The following ZAN variants were observed in gnomAD, a reference collection of about 807,000 sequenced individuals.
ZAN encodes the protein zonadhesin.
In ZAN, 260 loss-of-function variants were observed where a neutral mutation model predicts 286.2. That is an observed-to-expected ratio of 0.91 (90% CI 0.82 to 1.01). The LOEUF (loss-of-function observed/expected upper bound fraction) is 1.01, where lower values mean the gene tolerates loss of function less well. Among genes scored for constraint, ZAN ranks in the 50% least tolerant of loss-of-function variants. The probability of loss-of-function intolerance (pLI) is 0.00; values close to 1 mark genes in which losing one functional copy is unlikely to be tolerated. For missense variants in ZAN, 3,410 were observed against 3,639.2 expected, an observed-to-expected ratio of 0.94 and a Z score of 1.62; for synonymous variants, 1,368 against 1,417.5, an observed-to-expected ratio of 0.97 and a Z score of 0.79.
intron 15 of ZAN, among the ~76,000 whole-genome samples, chr7:100,756,428 CAA>C (rs111465837): frequency 3.8e-4 from 54 of 141,782 alleles, no homozygotes; most frequent in Admixed American, 3.6e-4. Flanking sequence ...CACCCTGTCT[CAA>C]AAAAAAAAAA....
chr7:100,774,462 G>C (rs1810612878), intron 31 of ZAN, among the ~76,000 whole-genome samples: 1 of 152,114 alleles, frequency 6.6e-6, no homozygotes, highest in Non-Finnish European at 1.5e-5. Flanking sequence ...CTTGAGGCTA[G>C]TAGTTCAAGA....
At chr7:100,739,642 C>T (rs2115634987) in intron 7 of ZAN, among the ~76,000 whole-genome samples, 1 of 129,316 alleles carries the variant, frequency 7.7e-6, no homozygotes, top group East Asian at 2.3e-4. Flanking sequence ...CTGTGCCCCG[C>T]CGTGAGTTAT....
At position 100,779,521 on chromosome 7, in the gene ZAN, G is replaced by GGGCA. The variant is rs779298180; in HGVS notation, c.6394_6395insGCAG (p.Ala2132GlyfsTer42). ...AGAACCCGAGTGGAAACTGCAGGGCGGCCGACCTCCGCAGGGCGCGGGAAA... is the reference window on the plus strand; with the variant it reads ...AGAACCCGAGTGGAAACTGCAGGGCGGGCAGCCGACCTCCGCAGGGCGCGGGAAA... On this transcript the variant is annotated frameshift_variant, in exon 35 of 48. Transcript: ENST00000613979. LOFTEE classifies it high-confidence loss of function. The GGGCA allele has an allele frequency of 3.7e-5, 59 of 1,612,622 alleles. 3 individuals carry two copies. The South Asian group carries it at 5.4e-4, about 15-fold the overall frequency.
In ZAN at chr7:100,750,741, A is replaced by G. The variant is rs1808599851; in HGVS notation, c.1366A>G (p.Met456Val). ...CATCTGCGTGGAGTTCGCATACCACATGTATGGCCTTGGGGAGGGTACTAT... is the reference window on the plus strand; with the variant it reads ...CATCTGCGTGGAGTTCGCATACCACGTGTATGGCCTTGGGGAGGGTACTAT... ...GDICVEFAYH[M>V]YGLGEGTMLE... Residue 456 changes from methionine to valine, a missense_variant, in exon 12 of 48, where the codon ATG (methionine) becomes GTG (valine). Transcript: ENST00000613979. 5 of 1,613,050 alleles carry G rather than the reference A, an allele frequency of 3.1e-6. No homozygotes were observed. The highest frequency in any genetic ancestry group is 1.7e-5 in the Admixed American group (1 of 59,814).
chr7:100,792,116 T>A lies in ZAN; in HGVS notation c.7680T>A (p.Cys2560Ter), dbSNP rs1812013896. The A allele has an allele frequency of 1.2e-6, 2 of 1,612,034 alleles. No homozygotes were observed. Among genetic ancestry groups the A allele is most frequent in the East Asian group, 2.2e-5 (1 of 44,858 alleles). ...ACCCCCAGGGCCCCTTTGCTGCCTG[T>A]CACCAGACGGTGGCCCCAGAGCCCT... ...LADPQGPFAA[C>*]HQTVAPEPFQ... is the part of the protein sequence containing the mutation. The change falls in exon 41 of 48, where the codon TGT (cysteine) becomes TGA (stop). Residue 2560 changes from cysteine to a stop codon, truncating the protein, a stop_gained. Coordinates refer to ENST00000613979, the MANE Select transcript of ZAN (RefSeq NM_003386.3). LOFTEE classifies it high-confidence loss of function.
At position 100,753,004 on chromosome 7, in the gene ZAN, G is replaced by A; in HGVS notation, c.2899G>A (p.Glu967Lys). The part of the protein sequence containing the change: ...IPTEKPTIST[E>K]KPTIPTEKLT... Reference sequence around the variant, plus strand: ...CACAGAAAAACCCACCATCTCCACGGAAAAACCCACCATCCCCACGGAAAA... The same window carrying A: ...CACAGAAAAACCCACCATCTCCACGAAAAAACCCACCATCCCCACGGAAAA... Residue 967 changes from glutamate to lysine, a missense_variant, in exon 14 of 48, where the codon GAA (glutamate) becomes AAA (lysine). By Grantham distance (56) the Glu-to-Lys change is moderately conservative. Coordinates refer to ENST00000613979, the MANE Select transcript of ZAN (RefSeq NM_003386.3). The A allele has an allele frequency of 6.2e-7, 1 of 1,608,980 alleles. No homozygotes were observed. The highest frequency in any genetic ancestry group is 1.7e-5 in the Admixed American group (1 of 59,438).
chr7:100,748,592 T>G, intron 11 of ZAN, 122 bp downstream of exon 11: 3 of 1,353,302 alleles, frequency 2.2e-6, no homozygotes, highest in Non-Finnish European at 3.0e-6. Flanking sequence ...TCCACAGGTG[T>G]TTTTTCGGAA....
chr7:100,782,682 T>G (rs945646420), intron 35 of ZAN, among the ~76,000 whole-genome samples: 1 of 140,098 alleles, frequency 7.1e-6, no homozygotes, highest in Non-Finnish European at 1.6e-5. Context: ...GGGTTTTTTT[T>G]GTGTGTGTGT....
In ZAN at chr7:100,762,290, C is replaced by T. The variant is rs559455189; in HGVS notation, c.3918C>T (p.Asp1306=). 45 of 1,613,648 alleles carry T rather than the reference C, an allele frequency of 2.8e-5. No individual in the cohort carries two copies. The highest frequency in any genetic ancestry group is 2.5e-4 in the Admixed American group (15 of 59,946). ...GTGACAATGACCACCTGAAGTTGGA[C>T]GGCAGCCCAGCAGGAGACAAGGAGG... ...GNSDNDHLKL[D]GSPAGDKEEL... is the part of the protein sequence containing the mutation. The change falls in exon 20 of 48, where the codon GAC becomes GAT. Residue 1306 remains aspartate (D), a synonymous_variant. Coordinates refer to ENST00000613979, the MANE Select transcript of ZAN (RefSeq NM_003386.3).
At chr7:100,758,873 A>C (rs1809345955) in intron 17 of ZAN, among the ~76,000 whole-genome samples, 1 of 151,418 alleles carries the variant, frequency 6.6e-6, no homozygotes, top group Non-Finnish European at 1.5e-5. Context: ...ACTTGAATCC[A>C]GGAGATTGAG....
At chr7:100,792,900 C>T (rs1444410184) in intron 42 of ZAN, among the ~76,000 whole-genome samples, 1 of 148,246 alleles carries the variant, frequency 6.7e-6, no homozygotes, top group African/African-American at 2.5e-5. Context: ...TGGCTTGAGC[C>T]CAGGAGTTCC....
chr7:100,749,649 AAAAT>A (rs1228443797), intron 11 of ZAN, among the ~76,000 whole-genome samples: 3 of 125,478 alleles, frequency 2.4e-5, no homozygotes, highest in East Asian at 4.4e-4. Flanking sequence ...CAAAAAAAAA[AAAAT>A]ATATATATAT....
Position 100,764,026 on chromosome 7 carries a change from G to A in ZAN, c.4098-1G>A. 1.9e-6 allele frequency: 3 copies of A among 1,613,874 alleles called. No homozygotes were observed. Among genetic ancestry groups the A allele is most frequent in the South Asian group, 1.1e-5 (1 of 91,078 alleles). On this transcript the variant is annotated splice_acceptor_variant, in intron 21 of 47. Coordinates refer to ENST00000613979, the MANE Select transcript of ZAN (RefSeq NM_003386.3). LOFTEE classifies it high-confidence loss of function. ...CCCCCTGACTTGGTCACTCCCCTCA[G>A]GACATGCCTGCTGCACGTGAAGGCC...
chr7:100,764,031 T>C lies in ZAN; in HGVS notation c.4102T>C (p.Cys1368Arg), dbSNP rs560266349. ...LVDTHGPFET[C>R]LLHVKAASFF... is the part of the protein sequence containing the mutation. ...TGACTTGGTCACTCCCCTCAGGACA[T>C]GCCTGCTGCACGTGAAGGCCGCTTC... Residue 1368 changes from cysteine (C) to arginine (R), a missense_variant, in exon 22 of 48, where the codon TGC (cysteine) becomes CGC (arginine). Transcript: ENST00000613979. The C allele has an allele frequency of 6.2e-7, 1 of 1,613,938 alleles. No homozygotes were observed. Among genetic ancestry groups the C allele is most frequent in the South Asian group, 1.1e-5 (1 of 91,088 alleles).
intron 39 of ZAN, among the ~76,000 whole-genome samples, chr7:100,790,030 G>C (rs922168596): frequency 2.6e-5 from 4 of 151,526 alleles, no homozygotes; most frequent in African/African-American, 7.3e-5. Context: ...AGGCTGAGAC[G>C]GGAGGATCGC....
At position 100,792,995 on chromosome 7, in the gene ZAN, AAAG is replaced by A. The variant is rs1480325477; in HGVS notation, c.7787+519_7787+521del. ...AACATCCTATCTCAAAAAAAAAAAA[AAAG>A]AAAGAAAGAAAGAAAGAACGAAAAA... On this transcript the variant is annotated intron_variant, in intron 42 of 47. Coordinates refer to ENST00000613979, the MANE Select transcript of ZAN (RefSeq NM_003386.3). 6.5e-4 allele frequency among the ~76,000 whole-genome samples: 75 copies of A among 115,588 alleles called. 1 individual carries two copies. The highest frequency in any genetic ancestry group is 2.1e-3 in the African/African-American group (70 of 33,218). 75.8% of individuals were successfully genotyped at this position (115,588 alleles called of 152,430 possible). A position where few individuals can be genotyped will look rare whatever the true frequency, so the allele number is the denominator to read the frequency against.
chr7:100,757,309 C>T (rs566614282), intron 15 of ZAN, among the ~76,000 whole-genome samples: 24 of 152,190 alleles, frequency 1.6e-4, no homozygotes, highest in African/African-American at 4.6e-4. Flanking sequence ...ACTTTCTACT[C>T]TGCTGGCACT....
chr7:100,757,686 C>T (rs1463453378), intron 15 of ZAN, among the ~76,000 whole-genome samples: 7 of 145,588 alleles, frequency 4.8e-5, no homozygotes, highest in Non-Finnish European at 8.9e-5. Context: ...ACGCTGAAGG[C>T]GGAGGTTGCA....
intron 35 of ZAN, among the ~76,000 whole-genome samples, chr7:100,784,276 C>T (rs1554409954): frequency 1.3e-5 from 2 of 151,416 alleles, no homozygotes; most frequent in Non-Finnish European, 2.9e-5. Context: ...ACTACAGGCG[C>T]CCACCACCAC....
Sources: gnomAD v4.1 joint callset for allele counts (sites outside exome capture counted in the v4.1 genomes callset) on GRCh38, gnomAD v4.1.1 for gene constraint, MANE v1.5 for transcripts, NCBI Gene and HGNC (gene_info 2026-07-23, HGNC 2026-07-21) for gene names.